The following KCNH5 variants were observed in gnomAD, a reference collection of about 807,000 sequenced individuals.
KCNH5 encodes the protein voltage-gated delayed rectifier potassium channel KCNH5.
In KCNH5, 46 loss-of-function variants were observed where a neutral mutation model predicts 96.1. The observed-to-expected ratio is 0.48, with a 90% CI of 0.38 to 0.61. KCNH5 has a LOEUF of 0.61. KCNH5 is among the 20% of genes least tolerant of loss of function. The pLI, the probability that KCNH5 is intolerant of heterozygous loss-of-function variation, is 0.00. For missense variants in KCNH5, 907 were observed against 1,225.8 expected (o/e 0.74, Z 3.88); for synonymous variants, 439 against 449.8 (o/e 0.98, Z 0.30).
In KCNH5 at chr14:62,910,941, A is replaced by ACACACACACACACACC. The variant is rs61033705; in HGVS notation, c.1369+39191_1369+39192insGGTGTGTGTGTGTGTG. Among the ~76,000 whole-genome samples the ACACACACACACACACC allele has an allele frequency of 1.4e-3, 193 of 140,872 alleles. 1 individual carries two copies. The highest frequency in any genetic ancestry group is 7.4e-3 in the East Asian group (35 of 4,708). 92.4% of individuals were successfully genotyped at this position (140,872 alleles called of 152,430 possible). On this transcript the variant is annotated intron_variant, in intron 7 of 10. Transcript: ENST00000322893. ...CACACACACACACACACACACACAC[A>ACACACACACACACACC]CCCCTCTGTTGTTCTGTCATCCTAT...
chr14:62,940,734 T>C, intron 7 of KCNH5, among the ~76,000 whole-genome samples: 1 of 152,216 alleles, frequency 6.6e-6, no homozygotes, highest in East Asian at 1.9e-4. Context: ...TTTTGTATTC[T>C]GAGCTCAAGA....
At chr14:62,872,734 G>A (rs966362575) in intron 7 of KCNH5, among the ~76,000 whole-genome samples, 45 of 151,998 alleles carry the variant, frequency 3.0e-4, no homozygotes, top group African/African-American at 1.0e-3. Flanking sequence ...ACTGTATAAG[G>A]GCACTGAATG....
chr14:63,020,187 A>C (rs1283151773), intron 1 of KCNH5, among the ~76,000 whole-genome samples: 2 of 152,148 alleles, frequency 1.3e-5, no homozygotes, highest in Non-Finnish European at 2.9e-5. Context: ...GATGAGAATC[A>C]AGAACTAGTG....
intron 10 of KCNH5, among the ~76,000 whole-genome samples, chr14:62,716,473 A>T (rs1486672053): frequency 6.6e-6 from 1 of 152,004 alleles, no homozygotes; most frequent in Non-Finnish European, 1.5e-5. Context: ...TTCACTCCTC[A>T]CTTGGCCTCC....
chr14:62,719,806 C>T (rs748653456), intron 10 of KCNH5, among the ~76,000 whole-genome samples: 2 of 152,222 alleles, frequency 1.3e-5, no homozygotes, highest in Non-Finnish European at 2.9e-5. Context: ...TCCACAAGGA[C>T]TCAAATACAG....
chr14:62,845,879 G>A (rs1193227389), intron 8 of KCNH5, among the ~76,000 whole-genome samples: 2 of 152,198 alleles, frequency 1.3e-5, no homozygotes, highest in Non-Finnish European at 2.9e-5. Flanking sequence ...TGAACACTGG[G>A]TGGTGTTGGT....
intron 10 of KCNH5, among the ~76,000 whole-genome samples, chr14:62,767,205 G>A (rs1885880046): frequency 6.6e-6 from 1 of 152,124 alleles, no homozygotes; most frequent in South Asian, 2.1e-4. Context: ...AGAAAAGGGA[G>A]CACATAGATG....
chr14:62,925,856 G>A (rs1049104642), intron 7 of KCNH5, among the ~76,000 whole-genome samples: 2 of 151,940 alleles, frequency 1.3e-5, no homozygotes, highest in African/African-American at 4.8e-5. Flanking sequence ...TAAAATTAAA[G>A]AAGAAAGAAA....
chr14:62,771,173 C>T (rs1356865520), intron 10 of KCNH5, among the ~76,000 whole-genome samples: 1 of 152,122 alleles, frequency 6.6e-6, no homozygotes, highest in Non-Finnish European at 1.5e-5. Flanking sequence ...CTTCTAACCT[C>T]CAGAACTGTG....
chr14:62,976,919 T>C (rs1015198909), intron 6 of KCNH5, among the ~76,000 whole-genome samples: 1 of 152,206 alleles, frequency 6.6e-6, no homozygotes, highest in African/African-American at 2.4e-5. Flanking sequence ...ATTTAGATAA[T>C]TGTCAGAGAA....
At chr14:62,905,461 T>C (rs2140096335) in intron 7 of KCNH5, among the ~76,000 whole-genome samples, 1 of 152,306 alleles carries the variant, frequency 6.6e-6, no homozygotes, top group South Asian at 2.1e-4. Context: ...TTTCCTTTTT[T>C]TGCTAAGATC....
rs184540460 is a variant in KCNH5 at position 62,896,104 on chromosome 14, A to G, written c.1370-46252T>C. ...ATATGTCCAGAAGCAGGGAACCTAC[A>G]GCAACAGTCCCAAGAAAAATTACTT... is the stretch of plus-strand genomic sequence containing the variant. On this transcript the variant is annotated intron_variant, in intron 7 of 10. Transcript: ENST00000322893. Among the ~76,000 whole-genome samples, 45 of 152,338 alleles carry G rather than the reference A, an allele frequency of 3.0e-4. No homozygotes were observed. In the East Asian group the frequency reaches 7.9e-3, roughly 27 times the overall value.
chr14:62,720,485 A>T (rs927687209), intron 10 of KCNH5, among the ~76,000 whole-genome samples: 5 of 152,196 alleles, frequency 3.3e-5, no homozygotes, highest in Admixed American at 1.3e-4. Flanking sequence ...CGGGAGGCTG[A>T]GGCAGGAGAA....
intron 6 of KCNH5, among the ~76,000 whole-genome samples, chr14:62,955,310 T>C (rs538796068): frequency 6.6e-6 from 1 of 152,320 alleles, no homozygotes; most frequent in East Asian, 1.9e-4. Flanking sequence ...CACACTTCTA[T>C]GCAGTTAACC....
chr14:62,899,856 T>TA (rs1396810049), intron 7 of KCNH5, among the ~76,000 whole-genome samples: 2 of 151,636 alleles, frequency 1.3e-5, no homozygotes, highest in African/African-American at 4.9e-5. Context: ...AAAATTGAAT[T>TA]AAAAAAATTT....
intron 10 of KCNH5, among the ~76,000 whole-genome samples, chr14:62,716,099 A>G (rs550345947): frequency 6.6e-6 from 1 of 152,346 alleles, no homozygotes; most frequent in Admixed American, 6.5e-5. Flanking sequence ...AAAACATTGT[A>G]AACTTTATCA....
At chr14:62,942,594 C>A (rs748077017) in intron 7 of KCNH5, among the ~76,000 whole-genome samples, 1 of 152,124 alleles carries the variant, frequency 6.6e-6, no homozygotes, top group Non-Finnish European at 1.5e-5. Flanking sequence ...TGCACTTAAC[C>A]GCCTACATGA....
intron 2 of KCNH5, among the ~76,000 whole-genome samples, chr14:63,007,563 A>G (rs1200332171): frequency 6.6e-6 from 1 of 152,162 alleles, no homozygotes; most frequent in Non-Finnish European, 1.5e-5. Flanking sequence ...GAGAGTTTTT[A>G]TTGTTTTGAC....
chr14:62,788,783 A>G (rs933764530), intron 9 of KCNH5, among the ~76,000 whole-genome samples: 1 of 152,132 alleles, frequency 6.6e-6, no homozygotes, highest in Non-Finnish European at 1.5e-5. Context: ...GCATATTTTA[A>G]CAATAAAATA....
Sources: gnomAD v4.1 joint callset for allele counts (sites outside exome capture counted in the v4.1 genomes callset) on GRCh38, gnomAD v4.1.1 for gene constraint, MANE v1.5 for transcripts, NCBI Gene and HGNC (gene_info 2026-07-23, HGNC 2026-07-21) for gene names.